Variants in VPS13B observed in about 807,000 individuals in gnomAD.
VPS13B encodes the protein intermembrane lipid transfer protein VPS13B.
VPS13B carries 285 observed loss-of-function variants against 426.4 expected under a neutral mutation model. That is an observed-to-expected ratio of 0.67 (90% CI 0.61 to 0.74). VPS13B has a LOEUF of 0.74. Ranked by LOEUF, VPS13B falls within the 30% of genes least tolerant of loss-of-function variation. The pLI, the probability that VPS13B is intolerant of heterozygous loss-of-function variation, is 0.00. For synonymous variants in VPS13B, 1,676 were observed against 1,676.4 expected, an observed-to-expected ratio of 1.00 and a Z score of 0.01; for missense variants, 4,537 against 4,782.6, an observed-to-expected ratio of 0.95 and a Z score of 1.51.
At chr8:99,076,595 A>G (rs891266772) in intron 3 of VPS13B, among the ~76,000 whole-genome samples, 1 of 140,526 alleles carries the variant, frequency 7.1e-6, no homozygotes, top group Non-Finnish European at 1.5e-5. Context: ...TGATCCTTTT[A>G]TAATTAATGA....
Position 99,136,737 on chromosome 8 carries a change from A to G in VPS13B, c.1636A>G (p.Asn546Asp). ...FYMDYLYTME[N>D]TSGKGSTNQQ... ...TATGGATTACCTGTATACAATGGAG[A>G]ACACTAGTGGCAAAGGTATTGGCTT... The change falls in exon 12 of 62, where the codon AAC (asparagine) becomes GAC (aspartate). Residue 546 changes from asparagine to aspartate, a missense_variant. Around this residue, in one of 2 missense-constraint regions of VPS13B, gnomAD observed 4,311 missense variants for 4,474.3 expected, o/e 0.96. Coordinates refer to ENST00000357162, the MANE Select transcript of VPS13B (RefSeq NM_152564.5). The G allele has an allele frequency of 6.2e-7, 1 of 1,613,558 alleles. No individual in the cohort carries two copies. The highest frequency in any genetic ancestry group is 1.7e-4 in the Middle Eastern group (1 of 6,058).
intron 30 of VPS13B, among the ~76,000 whole-genome samples, chr8:99,523,679 C>A (rs1822497124): frequency 6.6e-6 from 1 of 152,170 alleles, no homozygotes; most frequent in Admixed American, 6.5e-5. Flanking sequence ...TTGGGTTACT[C>A]CCTAATGCAG....
At chr8:99,753,645 A>G (rs923116966) in intron 39 of VPS13B, among the ~76,000 whole-genome samples, 1 of 152,216 alleles carries the variant, frequency 6.6e-6, no homozygotes, top group Non-Finnish European at 1.5e-5. Context: ...AGCTTGATAA[A>G]TCGATAAGAT....
chr8:99,147,969 A>G lies in VPS13B; in HGVS notation c.1972A>G (p.Asn658Asp). The G allele has an allele frequency of 1.2e-6, 2 of 1,613,778 alleles. No homozygotes were observed. The highest frequency in any genetic ancestry group is 1.7e-6 in the Non-Finnish European group (2 of 1,179,848). Residue 658 changes from asparagine (N) to aspartate (D), a missense_variant, in exon 14 of 62, where the codon AAC becomes GAC. Around this residue, in one of 2 missense-constraint regions of VPS13B, gnomAD observed 4,311 missense variants for 4,474.3 expected, o/e 0.96. Transcript: ENST00000357162. ...CTCTISMAEF[N>D]LLDHLLPVIM... ...CTGCACAATTTCCATGGCTGAATTC[A>G]ACTTGCTGGACCATTTACTACCTGT...
chr8:99,567,304 C>T (rs1404291057), intron 31 of VPS13B, among the ~76,000 whole-genome samples: 2 of 152,056 alleles, frequency 1.3e-5, no homozygotes, highest in African/African-American at 2.4e-5. Flanking sequence ...GGAATCAGAG[C>T]TATTATCCAT....
chr8:99,233,973 A>G, intron 17 of VPS13B: 1 of 782,796 alleles, frequency 1.3e-6, no homozygotes, highest in Non-Finnish European at 2.4e-6. Context: ...TCTACCCGGG[A>G]CTGGGTCTGC....
intron 3 of VPS13B, among the ~76,000 whole-genome samples, chr8:99,055,033 G>GTTTTTTTTTT (rs775826222): frequency 4.8e-4 from 53 of 109,332 alleles, no homozygotes; most frequent in Non-Finnish European, 8.1e-4. Context: ...TTGTATTTCT[G>GTTTTTTTTTT]TTTTTTTTTT....
At chr8:99,451,908 C>T (rs916933633) in intron 23 of VPS13B, among the ~76,000 whole-genome samples, 1 of 152,186 alleles carries the variant, frequency 6.6e-6, no homozygotes, top group Non-Finnish European at 1.5e-5. Flanking sequence ...TTGTACAACA[C>T]AGTGCTTATT....
intron 39 of VPS13B, among the ~76,000 whole-genome samples, chr8:99,761,262 A>G (rs1238473646): frequency 6.6e-6 from 1 of 152,248 alleles, no homozygotes. Context: ...TTTTCAGAGT[A>G]GCTGAGAATA....
At chr8:99,067,292 A>G (rs1452627246) in intron 3 of VPS13B, among the ~76,000 whole-genome samples, 1 of 152,178 alleles carries the variant, frequency 6.6e-6, no homozygotes, top group Admixed American at 6.5e-5. Flanking sequence ...GCACATATAC[A>G]CCATGGAATA....
chr8:99,831,076 C>CTTTCTTTTTTTT lies in VPS13B; in HGVS notation c.9331-1290_9331-1289insCTTTTTTTTTTT, dbSNP rs1554573282. Among the ~76,000 whole-genome samples the CTTTCTTTTTTTT allele has an allele frequency of 4.2e-5, 5 of 120,078 alleles. No individual in the cohort carries two copies. In the East Asian group the frequency reaches 1.3e-3, roughly 31 times the overall value. 78.8% of individuals were successfully genotyped at this position (120,078 alleles called of 152,430 possible). ...CTTGCCCGGGAATTGGTGTTTTTTTCTTTTTTTTTTTTTTGAGATAGAGTC... is the reference window on the plus strand; with the variant it reads ...CTTGCCCGGGAATTGGTGTTTTTTTCTTTCTTTTTTTTTTTTTTTTTTTTTTGAGATAGAGTC... On this transcript the variant is annotated intron_variant, in intron 51 of 61. Coordinates refer to ENST00000357162, the MANE Select transcript of VPS13B (RefSeq NM_152564.5).
intron 44 of VPS13B, among the ~76,000 whole-genome samples, chr8:99,817,012 A>G (rs1814079913): frequency 1.3e-5 from 2 of 151,758 alleles, no homozygotes. Context: ...TTCCATTTCT[A>G]CTTCACTTGA....
chr8:99,502,923 G>A lies in VPS13B; in HGVS notation c.4130G>A (p.Ser1377Asn). The A allele has an allele frequency of 1.2e-6, 2 of 1,610,826 alleles. No individual in the cohort carries two copies. The highest frequency in any genetic ancestry group is 1.7e-6 in the Non-Finnish European group (2 of 1,177,534). The change falls in exon 27 of 62, where the codon AGT becomes AAT. Residue 1377 changes from serine to asparagine, a missense_variant. Physicochemically the swap from Ser to Asn is conservative, Grantham distance 46. Coordinates refer to ENST00000357162, the MANE Select transcript of VPS13B (RefSeq NM_152564.5). The part of the protein sequence containing the change: ...VYTKVKCKIE[S>N]FNIDHYRSRP... The stretch of plus-strand genomic sequence containing the variant: ...ACCAAAGTGAAATGTAAAATAGAGA[G>A]TTTCAATATTGATCACTATAGAAGC...
intron 39 of VPS13B, among the ~76,000 whole-genome samples, chr8:99,739,850 GA>G (rs1280011275): frequency 2.0e-5 from 3 of 152,120 alleles, no homozygotes; most frequent in African/African-American, 7.2e-5. Flanking sequence ...ACCAAAGGTA[GA>G]TAAAACCACA....
intron 30 of VPS13B, among the ~76,000 whole-genome samples, chr8:99,533,402 A>T (rs927708581): frequency 1.3e-5 from 2 of 152,216 alleles, no homozygotes; most frequent in African/African-American, 4.8e-5. Flanking sequence ...CTTTAAAAAA[A>T]TTTTTAAACT....
At chr8:99,081,636 G>C (rs890349953) in intron 3 of VPS13B, among the ~76,000 whole-genome samples, 7 of 108,654 alleles carry the variant, frequency 6.4e-5, no homozygotes, top group African/African-American at 2.7e-4. Context: ...AACAGGCCCC[G>C]GTGTGTGATG....
intron 19 of VPS13B, among the ~76,000 whole-genome samples, chr8:99,291,081 T>C (rs561583934): frequency 1.3e-5 from 2 of 152,130 alleles, no homozygotes; most frequent in East Asian, 3.9e-4. Context: ...TGAGAAAAGT[T>C]AGGAATATGT....
At chr8:99,544,503 A>C (rs1823842284) in intron 30 of VPS13B, among the ~76,000 whole-genome samples, 2 of 152,180 alleles carry the variant, frequency 1.3e-5, no homozygotes, top group Non-Finnish European at 2.9e-5. Context: ...TGAATTTTAT[A>C]ATTCAGCCGT....
intron 24 of VPS13B, among the ~76,000 whole-genome samples, chr8:99,479,891 C>A (rs2133552184): frequency 6.6e-6 from 1 of 152,274 alleles, no homozygotes; most frequent in Admixed American, 6.5e-5. Flanking sequence ...TGGACATAGG[C>A]TTCATTTTTC....
Sources: allele counts gnomAD v4.1 joint callset (sites outside exome capture counted in the v4.1 genomes callset), GRCh38; gene constraint gnomAD v4.1.1; regional missense constraint gnomAD v4.1.1; transcripts MANE v1.5; gene names NCBI Gene and HGNC (gene_info 2026-07-23, HGNC 2026-07-21).